Variants in MYT1L observed in about 807,000 individuals in gnomAD.
The protein encoded by MYT1L is myelin transcription factor 1-like protein.
MYT1L carries 12 observed loss-of-function variants against 126.7 expected under a neutral mutation model. The observed-to-expected ratio is 0.09, with a 90% CI of 0.06 to 0.15. The LOEUF (loss-of-function observed/expected upper bound fraction) is 0.15, where lower values mean the gene tolerates loss of function less well. Among genes scored for constraint, MYT1L ranks in the 10% least tolerant of loss-of-function variants. The probability of loss-of-function intolerance (pLI) is 1.00; values close to 1 mark genes in which losing one functional copy is unlikely to be tolerated. For missense variants in MYT1L, 979 were observed against 1,585.2 expected, an observed-to-expected ratio of 0.62 and a Z score of 6.49; for synonymous variants, 541 against 604.2, an observed-to-expected ratio of 0.90 and a Z score of 1.53.
At chr2:2,269,675 T>G (rs2095222560) in intron 2 of MYT1L, among the ~76,000 whole-genome samples, 2 of 152,156 alleles carry the variant, frequency 1.3e-5, no homozygotes, top group South Asian at 4.1e-4. Flanking sequence ...CCCCTGGATT[T>G]GTGCTCCCCG....
intron 1 of MYT1L, among the ~76,000 whole-genome samples, chr2:2,285,110 C>T (rs1047487865): frequency 1.3e-5 from 2 of 152,166 alleles, no homozygotes; most frequent in Non-Finnish European, 2.9e-5. Context: ...CCTAGGTCTC[C>T]GTCCTCCCTA....
At position 2,241,220 on chromosome 2, in the gene MYT1L, T is replaced by C. The variant is rs533581742; in HGVS notation, c.-421+43184A>G. Reference sequence around the variant, plus strand: ...TGCCATATCCAATGCACTAAAAATGTGTGCTCTTAAAAGGGAGTTTTAAAT... The same window carrying C: ...TGCCATATCCAATGCACTAAAAATGCGTGCTCTTAAAAGGGAGTTTTAAAT... On this transcript the variant is annotated intron_variant, in intron 2 of 24. Coordinates refer to ENST00000647738, the MANE Select transcript of MYT1L (RefSeq NM_001303052.2). Among the ~76,000 whole-genome samples the C allele has an allele frequency of 1.8e-4, 27 of 152,290 alleles. 2 individuals carry two copies. The South Asian group carries it at 5.2e-3, about 29-fold the overall frequency.
chr2:2,214,505 T>C (rs1283559651), intron 2 of MYT1L, among the ~76,000 whole-genome samples: 1 of 152,058 alleles, frequency 6.6e-6, no homozygotes, highest in Non-Finnish European at 1.5e-5. Context: ...GGATCAAAGA[T>C]AATAAATATA....
intron 18 of MYT1L, among the ~76,000 whole-genome samples, chr2:1,853,407 C>A (rs2043521856): frequency 6.6e-6 from 1 of 152,220 alleles, no homozygotes; most frequent in African/African-American, 2.4e-5. Flanking sequence ...TTCACATATA[C>A]TTAAAGTTTG....
At chr2:1,817,296 G>A (rs778128844) in intron 21 of MYT1L, among the ~76,000 whole-genome samples, 10 of 152,166 alleles carry the variant, frequency 6.6e-5, no homozygotes, top group Admixed American at 5.2e-4. Flanking sequence ...CCGGTGCAGG[G>A]AGGCAAGTCC....
intron 4 of MYT1L, among the ~76,000 whole-genome samples, chr2:2,015,322 G>A (rs1425077041): frequency 2.6e-5 from 4 of 152,146 alleles, no homozygotes; most frequent in South Asian, 2.1e-4. Context: ...CACCAGCAGC[G>A]TCCTTATCAC....
chr2:2,138,843 A>AT (rs1400535828), intron 3 of MYT1L, among the ~76,000 whole-genome samples: 1 of 149,134 alleles, frequency 6.7e-6, no homozygotes, highest in Non-Finnish European at 1.5e-5. Context: ...TTAAAGTATA[A>AT]TTAAAAAAAA....
Position 1,889,655 on chromosome 2 carries a change from C to T in MYT1L, c.2284-178G>A, listed in dbSNP as rs2048594203. 6.6e-6 allele frequency among the ~76,000 whole-genome samples: 1 copy of T among 152,166 alleles called. No homozygotes were observed. ...ACAGGCCTTGTCTGGTGGTACATTC[C>T]TGCTATCCCACGCTTAGCTGCAAAA... is the stretch of plus-strand genomic sequence containing the variant. On this transcript the variant is annotated intron_variant, in intron 15 of 24. Coordinates refer to ENST00000647738, the MANE Select transcript of MYT1L (RefSeq NM_001303052.2). This position sits in a 1 kb window ranked among gnomAD's most constrained non-coding sequence, Gnocchi z 4.1.
intron 3 of MYT1L, among the ~76,000 whole-genome samples, chr2:2,101,082 A>C (rs1316674605): frequency 6.6e-6 from 1 of 152,178 alleles, no homozygotes; most frequent in Non-Finnish European, 1.5e-5. Flanking sequence ...GCTTTGATTG[A>C]ATTTGACCTA....
At chr2:2,190,442 C>T (rs2148731928) in intron 2 of MYT1L, among the ~76,000 whole-genome samples, 1 of 129,528 alleles carries the variant, frequency 7.7e-6, no homozygotes, top group South Asian at 2.9e-4. Flanking sequence ...GGAAACCAAA[C>T]TGTCTGTATG....
chr2:1,809,231 G>A (rs2036197129), intron 21 of MYT1L, 64 bp from the exon 22 acceptor site: 2 of 1,473,480 alleles, frequency 1.4e-6, no homozygotes, highest in Admixed American at 1.7e-5. Flanking sequence ...GCAGGGAAGT[G>A]GTGGTAAGCA....
At chr2:2,209,797 T>G (rs2093440881) in intron 2 of MYT1L, among the ~76,000 whole-genome samples, 1 of 152,184 alleles carries the variant, frequency 6.6e-6, no homozygotes, top group Admixed American at 6.5e-5. Context: ...TTTCCTTTCT[T>G]TTGGGTATAT....
intron 1 of MYT1L, among the ~76,000 whole-genome samples, chr2:2,288,462 G>A (rs1476259952): frequency 6.6e-6 from 1 of 152,204 alleles, no homozygotes; most frequent in Non-Finnish European, 1.5e-5. Context: ...TCAAAGAGCA[G>A]GGCGTGCACC....
chr2:2,192,802 G>C (rs2092653710), intron 2 of MYT1L, among the ~76,000 whole-genome samples: 1 of 152,090 alleles, frequency 6.6e-6, no homozygotes, highest in Non-Finnish European at 1.5e-5. Context: ...ACCACAGAAT[G>C]GCCCCTCCTT....
chr2:2,116,203 G>A (rs2080192431), intron 3 of MYT1L, among the ~76,000 whole-genome samples: 1 of 152,232 alleles, frequency 6.6e-6, no homozygotes, highest in Non-Finnish European at 1.5e-5. Flanking sequence ...ATGCTGCGGA[G>A]GAGATGCCTT....
intron 5 of MYT1L, among the ~76,000 whole-genome samples, chr2:1,982,909 G>A (rs2060715072): frequency 6.6e-6 from 1 of 152,098 alleles, no homozygotes; most frequent in Non-Finnish European, 1.5e-5. Context: ...TTCCTTTGTG[G>A]GCATTAAATA....
intron 13 of MYT1L, among the ~76,000 whole-genome samples, chr2:1,903,657 CGAATTATACACAAAGAT>C (rs1281981897): frequency 6.6e-6 from 1 of 151,834 alleles, no homozygotes; most frequent in East Asian, 1.9e-4. Flanking sequence ...AAAGAGTTGC[CGAATTATACACAAAGAT>C]GTTGCCTCGA....
intron 4 of MYT1L, among the ~76,000 whole-genome samples, chr2:2,031,228 G>A (rs370434354): frequency 6.6e-5 from 10 of 152,240 alleles, no homozygotes; most frequent in African/African-American, 2.2e-4. Flanking sequence ...GCTGTGATAC[G>A]GAAATGAAGC....
chr2:2,027,120 G>A (rs1193998773), intron 4 of MYT1L, among the ~76,000 whole-genome samples: 5 of 152,140 alleles, frequency 3.3e-5, no homozygotes, highest in Non-Finnish European at 5.9e-5. Flanking sequence ...ACCCCCCATC[G>A]CCGCTGCCGC....
Sources: allele counts gnomAD v4.1 joint callset (sites outside exome capture counted in the v4.1 genomes callset), GRCh38; gene constraint gnomAD v4.1.1; non-coding constraint Gnocchi (gnomAD v3.1); transcripts MANE v1.5; gene names NCBI Gene and HGNC (gene_info 2026-07-23, HGNC 2026-07-21).